DNAJC13: variants seen among roughly 807,000 people sequenced by gnomAD.
DNAJC13 encodes the protein dnaJ homolog subfamily C member 13.
A neutral mutation model predicts 290.5 loss-of-function variants in DNAJC13; 75 were observed. The ratio of observed to expected loss-of-function variants is 0.26; its 90% CI spans 0.21 to 0.31. DNAJC13 has a LOEUF of 0.31. DNAJC13 is among the 10% of genes least tolerant of loss of function. DNAJC13 has a pLI of 1.00. For synonymous variants in DNAJC13, 862 were observed against 892.0 expected (o/e 0.97, Z 0.60); for missense variants, 2,260 against 2,674.5 (o/e 0.85, Z 3.42).
chr3:132,519,203 G>A (rs1391575663), intron 48 of DNAJC13, among the ~76,000 whole-genome samples: 3 of 152,050 alleles, frequency 2.0e-5, no homozygotes, highest in Non-Finnish European at 2.9e-5. Flanking sequence ...AACCTTTTGA[G>A]GAATTGTCAG....
At position 132,509,038 on chromosome 3, in the gene DNAJC13, G is replaced by A. The variant is rs937106544; in HGVS notation, c.5115+1685G>A. 3.9e-5 allele frequency among the ~76,000 whole-genome samples: 6 copies of A among 152,206 alleles called. No individual in the cohort carries two copies. In the East Asian group the frequency reaches 1.2e-3, roughly 29 times the overall value. ...TCCATTTTGCAGCCCATGGATCAAGGAGTAATTTCAACTTTTACATCTTGT... is the reference window on the plus strand; with the variant it reads ...TCCATTTTGCAGCCCATGGATCAAGAAGTAATTTCAACTTTTACATCTTGT... On this transcript the variant is annotated intron_variant, in intron 43 of 55. Coordinates refer to ENST00000260818, the MANE Select transcript of DNAJC13 (RefSeq NM_015268.4).
intron 30 of DNAJC13, 26 bp from the exon 31 acceptor site, chr3:132,488,950 G>A (rs779496693): frequency 1.3e-6 from 2 of 1,561,778 alleles, no homozygotes; most frequent in Non-Finnish European, 1.8e-6. Flanking sequence ...TTCTATATCT[G>A]ATAGATAATT....
At chr3:132,435,978 CTGTT>C (rs1440971245) in intron 2 of DNAJC13, among the ~76,000 whole-genome samples, 5 of 152,090 alleles carry the variant, frequency 3.3e-5, no homozygotes, top group Admixed American at 2.0e-4. Flanking sequence ...CAGAGTACAA[CTGTT>C]TGTGTGCTCT....
At chr3:132,523,422 G>C in intron 50 of DNAJC13, 118 bp from the exon 51 acceptor site, 1 of 1,281,070 alleles carries the variant, frequency 7.8e-7, no homozygotes, top group Non-Finnish European at 1.1e-6. Flanking sequence ...CTCATAATTT[G>C]ATTATATTAT....
Position 132,453,377 on chromosome 3 carries a change from T to G in DNAJC13, c.617T>G (p.Leu206Trp), listed in dbSNP as rs1221157215. ...GCTGGTAACTACATAGGTATTTCATTGCGGATCAGGAAAGAGCCTTTAGAA... is the reference window on the plus strand; with the variant it reads ...GCTGGTAACTACATAGGTATTTCATGGCGGATCAGGAAAGAGCCTTTAGAA... Reference protein sequence around the residue: ...DHAGNYIGISLRIRKEPLEFE... With the variant: ...DHAGNYIGISWRIRKEPLEFE... The change falls in exon 7 of 56, where the codon TTG becomes TGG. Residue 206 changes from leucine (L) to tryptophan (W), a missense_variant. Physicochemically the swap from Leu to Trp is moderately conservative, Grantham distance 61 (BLOSUM62 -2). This residue lies in a region of DNAJC13 where 762 missense variants were observed against 964.1 expected (regional missense o/e 0.79). Coordinates refer to ENST00000260818, the MANE Select transcript of DNAJC13 (RefSeq NM_015268.4). The G allele has an allele frequency of 6.2e-7, 1 of 1,613,864 alleles. No individual in the cohort carries two copies. The highest frequency in any genetic ancestry group is 8.5e-7 in the Non-Finnish European group (1 of 1,179,946).
At chr3:132,523,820 C>T in intron 51 of DNAJC13, 107 bp downstream of exon 51, 1 of 1,131,788 alleles carries the variant, frequency 8.8e-7, no homozygotes. Context: ...AATTGGCCAG[C>T]TCTTTCAATA....
intron 46 of DNAJC13, 21 bp from the exon 47 acceptor site, chr3:132,516,401 G>C: frequency 6.2e-7 from 1 of 1,612,640 alleles, no homozygotes; most frequent in Non-Finnish European, 8.5e-7. Flanking sequence ...TGCATTCCTT[G>C]AAATGTCTTT....
At chr3:132,484,717 C>A (rs574351202) in intron 29 of DNAJC13, 45 bp downstream of exon 29, 1 of 1,529,424 alleles carries the variant, frequency 6.5e-7, no homozygotes, top group South Asian at 1.1e-5. Flanking sequence ...GAATCATTTT[C>A]TCTGAATTTT....
At chr3:132,466,999 G>A (rs1239219665) in intron 19 of DNAJC13, among the ~76,000 whole-genome samples, 171 bp from the exon 20 acceptor site, 2 of 152,170 alleles carry the variant, frequency 1.3e-5, no homozygotes. Flanking sequence ...AAGTAGAAAA[G>A]TTAGTTTCTT....
At chr3:132,516,347 C>A in intron 46 of DNAJC13, 75 bp from the exon 47 acceptor site, 1 of 1,341,362 alleles carries the variant, frequency 7.5e-7, no homozygotes, top group Non-Finnish European at 1.1e-6. Context: ...AGTTAAGTGC[C>A]TGGCACAGAG....
intron 21 of DNAJC13, among the ~76,000 whole-genome samples, chr3:132,473,926 C>T (rs1934373256): frequency 6.6e-6 from 1 of 152,174 alleles, no homozygotes; most frequent in Non-Finnish European, 1.5e-5. Flanking sequence ...CCCCATAGAA[C>T]TTCCTTGGAA....
chr3:132,514,972 A>C (rs1935878516), intron 46 of DNAJC13, among the ~76,000 whole-genome samples: 1 of 152,154 alleles, frequency 6.6e-6, no homozygotes, highest in Non-Finnish European at 1.5e-5. Flanking sequence ...ATGGTTTACT[A>C]AACATAAGTA....
intron 32 of DNAJC13, 22 bp from the exon 33 acceptor site, chr3:132,492,392 A>G (rs1935082765): frequency 2.5e-6 from 4 of 1,612,292 alleles, no homozygotes; most frequent in South Asian, 2.2e-5. Flanking sequence ...TAAAGCTTGA[A>G]TGGAGGTTTT....
At chr3:132,431,955 A>C (rs755778391) in intron 1 of DNAJC13, among the ~76,000 whole-genome samples, 1 of 152,182 alleles carries the variant, frequency 6.6e-6, no homozygotes, top group African/African-American at 2.4e-5. Context: ...GCAGAACTCT[A>C]AATACACTAA....
At chr3:132,466,235 T>C (rs1576476365) in intron 18 of DNAJC13, 64 bp from the exon 19 acceptor site, 2 of 1,522,210 alleles carry the variant, frequency 1.3e-6, no homozygotes, top group East Asian at 4.6e-5. Flanking sequence ...TATTAATTTA[T>C]TTGGGTTTTT....
At chr3:132,433,888 G>C (rs970477890) in intron 1 of DNAJC13, among the ~76,000 whole-genome samples, 13 of 152,224 alleles carry the variant, frequency 8.5e-5, no homozygotes, top group Non-Finnish European at 1.8e-4. Flanking sequence ...TTATGATAAA[G>C]AGTTGAATAG....
intron 1 of DNAJC13, among the ~76,000 whole-genome samples, chr3:132,427,073 A>ATG (rs1491486889): frequency 2.6e-5 from 3 of 114,640 alleles, no homozygotes; most frequent in Admixed American, 8.5e-5. Flanking sequence ...TTATATATAC[A>ATG]TATGTGTGTG....
At chr3:132,504,120 T>A (rs1400391392) in intron 41 of DNAJC13, among the ~76,000 whole-genome samples, 1 of 152,070 alleles carries the variant, frequency 6.6e-6, no homozygotes, top group Non-Finnish European at 1.5e-5. Flanking sequence ...TTATAGGCAG[T>A]TTTTCTTTTG....
rs115053263 is a variant in DNAJC13 at position 132,467,056 on chromosome 3, A to C, written c.2065-114A>C. The C allele has an allele frequency of 6.4e-4, 759 of 1,189,448 alleles. 2 individuals carry two copies. The African/African-American group carries it at 0.011, about 17-fold the overall frequency. The allele number at this position is 1,189,448 out of a possible 1,614,324, so 73.7% of individuals were successfully genotyped here. A position where few individuals can be genotyped will look rare whatever the true frequency, so the allele number is the denominator to read the frequency against. On this transcript the variant is annotated intron_variant, in intron 19 of 55. Coordinates refer to ENST00000260818, the MANE Select transcript of DNAJC13 (RefSeq NM_015268.4). The stretch of plus-strand genomic sequence containing the variant: ...AAGTTTTCAGTTTGTTTCTTCACTG[A>C]ACCATAACATCCAGCATTAACCTTA...
Sources: allele counts gnomAD v4.1 joint callset (sites outside exome capture counted in the v4.1 genomes callset), GRCh38; gene constraint gnomAD v4.1.1; regional missense constraint gnomAD v4.1.1; transcripts MANE v1.5; gene names NCBI Gene and HGNC (gene_info 2026-07-23, HGNC 2026-07-21).